The following CANX variants were observed in gnomAD, a reference collection of about 807,000 sequenced individuals.
CANX encodes the protein epididymis secretory sperm binding protein.
A neutral mutation model predicts 75.7 loss-of-function variants in CANX; 14 were observed. That is an observed-to-expected ratio of 0.19 (90% CI 0.12 to 0.29). CANX has a LOEUF of 0.29. Among genes scored for constraint, CANX ranks in the 10% least tolerant of loss-of-function variants. The pLI is 1.00. For missense variants in CANX, 567 were observed against 713.2 expected (o/e 0.79, Z 2.34); for synonymous variants, 227 against 236.9 (o/e 0.96, Z 0.38).
chr5:179,698,455 T>C, upstream of CANX: 1 of 1,288,558 alleles, frequency 7.8e-7, no homozygotes, highest in South Asian at 1.2e-5. Flanking sequence ...CGCTGGGTTC[T>C]GCTCACGCCC....
intron 1 of CANX, among the ~76,000 whole-genome samples, chr5:179,701,824 C>G (rs996908879): frequency 7.6e-6 from 1 of 132,034 alleles, no homozygotes; most frequent in Non-Finnish European, 1.6e-5. Flanking sequence ...ACTGCAACCT[C>G]CGCCTCCTGG....
chr5:179,707,143 C>A lies in CANX; in HGVS notation c.257C>A (p.Ser86Tyr). ...DRGTLSGWIL[S>Y]KAKKDDTDDE... The stretch of plus-strand genomic sequence containing the variant: ...TTTGTTATTTACAGGTGGATTTTAT[C>A]CAAAGCCAAGAAAGACGATACCGAT... The change falls in exon 4 of 15, where the codon TCC becomes TAC. Residue 86 changes from serine to tyrosine, a missense_variant. By Grantham distance (144) the Ser-to-Tyr change is moderately radical. Transcript: ENST00000247461. 1 of 1,596,536 alleles carries A rather than the reference C, an allele frequency of 6.3e-7. No individual in the cohort carries two copies. Among genetic ancestry groups the A allele is most frequent in the Non-Finnish European group, 8.6e-7 (1 of 1,164,162 alleles).
intron 12 of CANX, among the ~76,000 whole-genome samples, chr5:179,724,054 A>G (rs1180920490): frequency 2.0e-5 from 3 of 152,140 alleles, no homozygotes; most frequent in Non-Finnish European, 2.9e-5. Flanking sequence ...AAAAAAAAAC[A>G]ATAAACTTAG....
Position 179,722,945 on chromosome 5 carries a change from G to T in CANX, c.1324G>T (p.Ala442Ser), listed in dbSNP as rs1327542299. The T allele has an allele frequency of 4.3e-6, 7 of 1,614,128 alleles. No individual in the cohort carries two copies. In the South Asian group the frequency reaches 7.7e-5, roughly 18 times the overall value. Reference sequence around the variant, plus strand: ...TTTTTTTGACAACTTTATCATTTGTGCTGATCGAAGAATAGTTGATGATTG... The same window carrying T: ...TTTTTTTGACAACTTTATCATTTGTTCTGATCGAAGAATAGTTGATGATTG... ...DIFFDNFIIC[A>S]DRRIVDDWAN... is the part of the protein sequence containing the mutation. Residue 442 changes from alanine to serine, a missense_variant, in exon 11 of 15, where the codon GCT becomes TCT. Around this residue, in one of 3 missense-constraint regions of CANX, gnomAD observed 167 missense variants for 179.3 expected, o/e 0.93. Coordinates refer to ENST00000247461, the MANE Select transcript of CANX (RefSeq NM_001746.4).
At chr5:179,708,921 G>T in intron 5 of CANX, 57 bp from the exon 6 acceptor site, 1 of 880,180 alleles carries the variant, frequency 1.1e-6, no homozygotes, top group Non-Finnish European at 1.9e-6. Flanking sequence ...AATACATTAA[G>T]AGAGTTTCGA....
rs541833179 is a variant in CANX at position 179,705,921 on chromosome 5, G to T, written c.171+69G>T. 1.1e-4 allele frequency: 147 copies of T among 1,332,364 alleles called. 3 individuals are homozygous for T. The Middle Eastern group carries it at 7.4e-3, about 67-fold the overall frequency. The allele number at this position is 1,332,364 out of a possible 1,614,324, so 82.5% of individuals were successfully genotyped here. ...GATAAAATTATGAAGATACCCGGGT[G>T]CAGGGAAATGTAGTCTCAACTACTC... On this transcript the variant is annotated intron_variant, in intron 2 of 14. Coordinates refer to ENST00000247461, the MANE Select transcript of CANX (RefSeq NM_001746.4).
chr5:179,697,682 C>T (rs1033624034), upstream of CANX, among the ~76,000 whole-genome samples: 1 of 152,000 alleles, frequency 6.6e-6, no homozygotes, highest in East Asian at 1.9e-4. Flanking sequence ...AGAGGCAGGT[C>T]GATCACCTGA....
intron 1 of CANX, among the ~76,000 whole-genome samples, chr5:179,703,573 G>A (rs76487183): frequency 3.0e-4 from 46 of 151,754 alleles, no homozygotes; most frequent in Non-Finnish European, 5.3e-4. Context: ...TAGTATCTGG[G>A]ACAACAGGTG....
intron 1 of CANX, chr5:179,700,163 AC>A (rs1776639618): frequency 6.6e-6 from 1 of 152,106 alleles, no homozygotes; most frequent in South Asian, 2.1e-4. Flanking sequence ...GATAGAAGAA[AC>A]CGGGCATTGT....
intron 4 of CANX, among the ~76,000 whole-genome samples, chr5:179,707,404 G>A (rs1266456979): frequency 6.6e-6 from 1 of 152,070 alleles, no homozygotes; most frequent in African/African-American, 2.4e-5. Flanking sequence ...CTAACACAGT[G>A]AAACCCCGTC....
At chr5:179,697,060 ATTAT>A (rs947117032), upstream of CANX, among the ~76,000 whole-genome samples, 3 of 152,024 alleles carry the variant, frequency 2.0e-5, no homozygotes, top group Admixed American at 6.6e-5. Flanking sequence ...GTTTGTTTTT[ATTAT>A]TTATTTATTT....
intron 1 of CANX, among the ~76,000 whole-genome samples, chr5:179,684,136 A>G (rs933501945): frequency 2.0e-5 from 3 of 152,140 alleles, no homozygotes; most frequent in South Asian, 2.1e-4. Context: ...TGGCAGGTGC[A>G]TGTTTACCTT....
chr5:179,680,962 C>T (rs780330746), intron 1 of CANX: 52 of 1,500,614 alleles, frequency 3.5e-5, no homozygotes, highest in Admixed American at 5.9e-5. Context: ...GGATGTTTCC[C>T]CGTTAGTCCT....
intron 1 of CANX, among the ~76,000 whole-genome samples, chr5:179,703,811 C>CT (rs984627952): frequency 2.0e-5 from 3 of 151,990 alleles, no homozygotes; most frequent in Non-Finnish European, 4.4e-5. Context: ...TTTTTGCAAA[C>CT]ATGGACTCAT....
Position 179,716,833 on chromosome 5 carries a change from C to T in CANX, c.911+539C>T, listed in dbSNP as rs948039935. On this transcript the variant is annotated intron_variant, in intron 8 of 14. Transcript: ENST00000247461. Reference sequence around the variant, plus strand: ...CAGGAGACCAGAGCACCAGGTGTACCTAAACTAGGCATGGTTTCTTGGAGC... The same window carrying T: ...CAGGAGACCAGAGCACCAGGTGTACTTAAACTAGGCATGGTTTCTTGGAGC... Among the ~76,000 whole-genome samples, 52 of 152,174 alleles carry T rather than the reference C, an allele frequency of 3.4e-4. 1 individual carries two copies. Among genetic ancestry groups the T allele is most frequent in the Admixed American group, 2.6e-4 (4 of 15,276 alleles).
upstream of CANX, chr5:179,698,738 C>G (rs1776510809): frequency 1.2e-5 from 8 of 689,898 alleles, no homozygotes; most frequent in Non-Finnish European, 1.5e-5. Flanking sequence ...CGCCCCTCAC[C>G]TCCCGCCCAA....
chr5:179,718,878 C>T (rs1160379180), intron 8 of CANX, among the ~76,000 whole-genome samples: 4 of 150,136 alleles, frequency 2.7e-5, no homozygotes, highest in Admixed American at 1.3e-4. Flanking sequence ...TTGGTCAGGC[C>T]GGTCTTGAAC....
At chr5:179,720,229 CT>C (rs1267674089) in intron 9 of CANX, among the ~76,000 whole-genome samples, 174 bp from the exon 10 acceptor site, 3 of 150,958 alleles carry the variant, frequency 2.0e-5, no homozygotes, top group African/African-American at 7.3e-5. Flanking sequence ...ATATTTTCTT[CT>C]TTTTTAAAAA....
intron 7 of CANX, among the ~76,000 whole-genome samples, chr5:179,712,543 C>T (rs1021635259): frequency 2.0e-5 from 3 of 151,706 alleles, no homozygotes; most frequent in Non-Finnish European, 2.9e-5. Context: ...CTTGGCCTCC[C>T]AAGTAGCTGG....
Sources: gnomAD v4.1 joint callset for allele counts (sites outside exome capture counted in the v4.1 genomes callset) on GRCh38, gnomAD v4.1.1 for gene constraint, gnomAD v4.1.1 regional missense constraint, MANE v1.5 for transcripts, NCBI Gene and HGNC (gene_info 2026-07-23, HGNC 2026-07-21) for gene names.